ELAVL4: variants seen among roughly 807,000 people sequenced by gnomAD.
ELAVL4 encodes ELAV like RNA binding protein 4, also known as ELAV-like protein 4.
Under a neutral mutation model 35.6 loss-of-function variants are expected in ELAVL4, and 1 was observed. The observed-to-expected ratio is 0.03, with a 90% CI of 0.01 to 0.13. ELAVL4 has a LOEUF of 0.13. Ranked by LOEUF, ELAVL4 falls within the 10% of genes least tolerant of loss-of-function variation. ELAVL4 has a pLI of 1.00. For synonymous variants in ELAVL4, 156 were observed against 171.0 expected, an observed-to-expected ratio of 0.91 and a Z score of 0.69; for missense variants, 267 against 464.9, an observed-to-expected ratio of 0.57 and a Z score of 3.91.
chr1:50,087,148 G>A (rs1372267837), intron 1 of ELAVL4, among the ~76,000 whole-genome samples: 1 of 152,098 alleles, frequency 6.6e-6, no homozygotes, highest in African/African-American at 2.4e-5. Flanking sequence ...CTTGGAGCAG[G>A]ATAATCTTTT....
chr1:50,131,781 T>C (rs570277828), intron 1 of ELAVL4, among the ~76,000 whole-genome samples: 1 of 151,446 alleles, frequency 6.6e-6, no homozygotes, highest in East Asian at 2.0e-4. Context: ...AGAGCAAGAC[T>C]CTGTCTCAAA....
intron 1 of ELAVL4, among the ~76,000 whole-genome samples, chr1:50,120,525 G>A (rs992111972): frequency 6.6e-6 from 1 of 152,040 alleles, no homozygotes; most frequent in Non-Finnish European, 1.5e-5. Context: ...GGTAGCTATG[G>A]AATGTCTTAG....
chr1:50,140,169 G>T (rs550676360), intron 1 of ELAVL4, among the ~76,000 whole-genome samples: 1 of 152,314 alleles, frequency 6.6e-6, no homozygotes, highest in South Asian at 2.1e-4. Flanking sequence ...CAAGTCAGGG[G>T]CTTGGAACCT....
At chr1:50,099,350 C>T (rs564843131), upstream of ELAVL4, among the ~76,000 whole-genome samples, 1 of 151,984 alleles carries the variant, frequency 6.6e-6, no homozygotes, top group African/African-American at 2.4e-5. Context: ...CACCTGAGGT[C>T]GGGAGTTCAA....
intron 1 of ELAVL4, among the ~76,000 whole-genome samples, chr1:50,094,726 T>C (rs1245912052): frequency 6.7e-6 from 1 of 148,884 alleles, no homozygotes; most frequent in Non-Finnish European, 1.5e-5. Context: ...GCCAACTTGG[T>C]GAAACCCTGT....
At chr1:50,133,470 A>G (rs1033772684) in intron 1 of ELAVL4, among the ~76,000 whole-genome samples, 1 of 152,058 alleles carries the variant, frequency 6.6e-6, no homozygotes, top group Non-Finnish European at 1.5e-5. Flanking sequence ...TTTAGGGGCA[A>G]TGGTATCCAA....
intron 1 of ELAVL4, among the ~76,000 whole-genome samples, chr1:50,082,913 C>T (rs1665075044): frequency 6.6e-6 from 1 of 152,182 alleles, no homozygotes; most frequent in Non-Finnish European, 1.5e-5. Context: ...AACCAACCTT[C>T]ATTGTGCCTT....
At chr1:50,106,837 A>G (rs931655692), upstream of ELAVL4, among the ~76,000 whole-genome samples, 25 of 152,202 alleles carry the variant, frequency 1.6e-4, no homozygotes, top group African/African-American at 3.6e-4. Context: ...AGTTATTTAT[A>G]CTGTATATAC....
chr1:50,132,421 A>C (rs1311007441), intron 1 of ELAVL4, among the ~76,000 whole-genome samples: 2 of 152,196 alleles, frequency 1.3e-5, no homozygotes, highest in African/African-American at 2.4e-5. Flanking sequence ...ATAATATCAG[A>C]GTTTGTCAGC....
intron 1 of ELAVL4, among the ~76,000 whole-genome samples, chr1:50,079,744 A>G (rs1056097189): frequency 6.6e-6 from 1 of 152,232 alleles, no homozygotes; most frequent in African/African-American, 2.4e-5. Context: ...ATGTAAAAGC[A>G]TACTGTAAGG....
chr1:50,127,195 C>T (rs2148619614), intron 1 of ELAVL4, among the ~76,000 whole-genome samples: 1 of 152,110 alleles, frequency 6.6e-6, no homozygotes, highest in East Asian at 1.9e-4. Flanking sequence ...CACCCTGCAC[C>T]TGCCTCTGAT....
chr1:50,193,443 G>A (rs1413562643), intron 3 of ELAVL4, among the ~76,000 whole-genome samples: 1 of 151,898 alleles, frequency 6.6e-6, no homozygotes, highest in Non-Finnish European at 1.5e-5. Context: ...CCACTTCCAG[G>A]AGGTAAATCT....
At chr1:50,164,164 C>A (rs1034729741) in intron 2 of ELAVL4, among the ~76,000 whole-genome samples, 2 of 152,162 alleles carry the variant, frequency 1.3e-5, no homozygotes, top group African/African-American at 4.8e-5. Context: ...TTTTTATTTT[C>A]TCAGTTAGAA....
intron 1 of ELAVL4, among the ~76,000 whole-genome samples, chr1:50,069,305 T>C (rs537836094): frequency 2.0e-5 from 3 of 152,310 alleles, no homozygotes; most frequent in African/African-American, 7.2e-5. Flanking sequence ...TATTGTCTCC[T>C]GTCTCTGATT....
intron 1 of ELAVL4, among the ~76,000 whole-genome samples, chr1:50,112,336 G>T (rs1279043652): frequency 1.3e-5 from 2 of 152,002 alleles, no homozygotes; most frequent in East Asian, 1.9e-4. Flanking sequence ...AATAATTTCT[G>T]TAAGAAGTGT....
upstream of ELAVL4, among the ~76,000 whole-genome samples, chr1:50,107,826 A>C (rs1666468763): frequency 6.6e-6 from 1 of 152,218 alleles, no homozygotes; most frequent in Non-Finnish European, 1.5e-5. Context: ...AGAACAAAAA[A>C]TACACTACTG....
At chr1:50,134,536 G>A (rs1671569884) in intron 1 of ELAVL4, among the ~76,000 whole-genome samples, 1 of 152,048 alleles carries the variant, frequency 6.6e-6, no homozygotes, top group Non-Finnish European at 1.5e-5. Context: ...GGAAGAAATT[G>A]TTTTCCAATC....
chr1:50,074,098 G>A (rs1431046897), intron 1 of ELAVL4, among the ~76,000 whole-genome samples: 1 of 152,174 alleles, frequency 6.6e-6, no homozygotes, highest in African/African-American at 2.4e-5. Flanking sequence ...AAGGGTCCTG[G>A]GGCCATAGAT....
At chr1:50,199,209 T>C (rs985220834) in intron 6 of ELAVL4, among the ~76,000 whole-genome samples, 5 of 152,378 alleles carry the variant, frequency 3.3e-5, no homozygotes, top group African/African-American at 1.2e-4. Context: ...ATATATTCAG[T>C]AGCCATTTGA....
Sources: gnomAD v4.1 joint callset for allele counts (sites outside exome capture counted in the v4.1 genomes callset) on GRCh38, gnomAD v4.1.1 for gene constraint, MANE v1.5 for transcripts, NCBI Gene and HGNC (gene_info 2026-07-23, HGNC 2026-07-21) for gene names.